The following KCNH8 variants were observed in gnomAD, a reference collection of about 807,000 sequenced individuals.
KCNH8 encodes the protein voltage-gated delayed rectifier potassium channel KCNH8.
KCNH8 carries 70 observed loss-of-function variants against 103.6 expected under a neutral mutation model. The ratio of observed to expected loss-of-function variants is 0.68; its 90% confidence interval spans 0.56 to 0.82. The LOEUF is 0.82. Among genes scored for constraint, KCNH8 ranks in the 40% least tolerant of loss-of-function variants. The probability of loss-of-function intolerance (pLI) is 0.00; values close to 1 mark genes in which losing one functional copy is unlikely to be tolerated. For missense variants in KCNH8, 1,217 were observed against 1,329.9 expected, an observed-to-expected ratio of 0.92 and a Z score of 1.32; for synonymous variants, 498 against 489.4, an observed-to-expected ratio of 1.02 and a Z score of -0.23.
At chr3:19,285,226 G>A (rs943372865) in intron 3 of KCNH8, among the ~76,000 whole-genome samples, 1 of 151,958 alleles carries the variant, frequency 6.6e-6, no homozygotes, top group Non-Finnish European at 1.5e-5. Flanking sequence ...AATATATTAA[G>A]TAATTCAAAA....
intron 11 of KCNH8, among the ~76,000 whole-genome samples, chr3:19,474,333 CTG>C (rs2067926278): frequency 6.6e-6 from 1 of 152,186 alleles, no homozygotes; most frequent in South Asian, 2.1e-4. Flanking sequence ...GCAGCACAGA[CTG>C]TGCTCAGCAG....
chr3:19,502,864 T>C (rs1368627089), intron 11 of KCNH8, among the ~76,000 whole-genome samples: 15 of 151,690 alleles, frequency 9.9e-5, no homozygotes, highest in African/African-American at 3.4e-4. Flanking sequence ...GACATAGGCA[T>C]GGGCAAGGAC....
At chr3:19,455,328 T>G (rs1363951567) in intron 10 of KCNH8, among the ~76,000 whole-genome samples, 1 of 152,136 alleles carries the variant, frequency 6.6e-6, no homozygotes, top group Non-Finnish European at 1.5e-5. Flanking sequence ...CACAGAACAT[T>G]AGTCTGCCTA....
Position 19,430,963 on chromosome 3 carries a change from G to C in KCNH8, c.1178-7201G>C, listed in dbSNP as rs527639921. Reference sequence around the variant, plus strand: ...AGTTTGACTTCCTCTCTTTCTATTTGAATACGCTTCATTTCTTTCTCTTGC... The same window carrying C: ...AGTTTGACTTCCTCTCTTTCTATTTCAATACGCTTCATTTCTTTCTCTTGC... On this transcript the variant is annotated intron_variant, in intron 7 of 15. Coordinates refer to ENST00000328405, the MANE Select transcript of KCNH8 (RefSeq NM_144633.3). 2.6e-5 allele frequency among the ~76,000 whole-genome samples: 4 copies of C among 152,194 alleles called. No homozygotes were observed. In the South Asian group the frequency reaches 8.3e-4, roughly 32 times the overall value.
At chr3:19,344,557 A>AT (rs1468827552) in intron 4 of KCNH8, among the ~76,000 whole-genome samples, 1 of 152,086 alleles carries the variant, frequency 6.6e-6, no homozygotes, top group Non-Finnish European at 1.5e-5. Context: ...ACTACAGGTA[A>AT]TATCTTATTC....
chr3:19,433,888 G>A (rs536492855), intron 7 of KCNH8, among the ~76,000 whole-genome samples: 16 of 152,290 alleles, frequency 1.1e-4, no homozygotes, highest in African/African-American at 2.9e-4. Flanking sequence ...AATGGAAAAG[G>A]GGTGAAGGGT....
At chr3:19,474,575 G>C (rs1335870955) in intron 11 of KCNH8, among the ~76,000 whole-genome samples, 1 of 152,188 alleles carries the variant, frequency 6.6e-6, no homozygotes, top group Non-Finnish European at 1.5e-5. Flanking sequence ...GTAAGGGTCA[G>C]GGGACCCAGG....
intron 1 of KCNH8, among the ~76,000 whole-genome samples, chr3:19,170,645 T>TAC (rs1187141475): frequency 7.2e-6 from 1 of 138,794 alleles, no homozygotes; most frequent in Non-Finnish European, 1.5e-5. Flanking sequence ...CACATATATA[T>TAC]ACACACACAT....
chr3:19,253,928 A>C (rs1211481026), intron 2 of KCNH8, 41 bp downstream of exon 2: 4 of 1,402,870 alleles, frequency 2.9e-6, no homozygotes, highest in African/African-American at 1.4e-5. Flanking sequence ...GAGTAGTGAG[A>C]GGCCGTCTTC....
rs1272076892 is a variant in KCNH8, at chr3:19,512,868, C to CT, written c.2080-101dup. ...TTCAGTTTTAATGAAAAGTAAGTCT[C>CT]TAAGAGATTTGACTTTGTTCTAATG... is the stretch of plus-strand genomic sequence containing the variant. On this transcript the variant is annotated intron_variant, in intron 12 of 15. Coordinates refer to ENST00000328405, the MANE Select transcript of KCNH8 (RefSeq NM_144633.3). The CT allele has an allele frequency of 5.8e-6, 6 of 1,034,294 alleles. No homozygotes were observed. In the African/African-American group the frequency reaches 9.7e-5, roughly 17 times the overall value. 64.1% of individuals were successfully genotyped at this position (1,034,294 alleles called of 1,614,324 possible).
intron 15 of KCNH8, among the ~76,000 whole-genome samples, chr3:19,528,486 A>G (rs2125252605): frequency 6.6e-6 from 1 of 152,216 alleles, no homozygotes. Context: ...TATGAAGGAA[A>G]CACAATAAGG....
intron 7 of KCNH8, among the ~76,000 whole-genome samples, chr3:19,405,928 T>C (rs2066684744): frequency 6.6e-6 from 1 of 152,034 alleles, no homozygotes; most frequent in Non-Finnish European, 1.5e-5. Context: ...ATAAATGATA[T>C]TTGCATTAAA....
At chr3:19,262,262 T>G (rs991635609) in intron 2 of KCNH8, among the ~76,000 whole-genome samples, 3 of 151,982 alleles carry the variant, frequency 2.0e-5, no homozygotes, top group African/African-American at 7.2e-5. Context: ...CCATTATTAG[T>G]CTCCTCTTCA....
chr3:19,173,583 T>C (rs574441336), intron 1 of KCNH8, among the ~76,000 whole-genome samples: 63 of 152,132 alleles, frequency 4.1e-4, no homozygotes, highest in African/African-American at 1.5e-3. Context: ...TTTCATAGAG[T>C]AAGCGATTTA....
At chr3:19,411,739 A>G (rs1182869598) in intron 7 of KCNH8, among the ~76,000 whole-genome samples, 1 of 151,624 alleles carries the variant, frequency 6.6e-6, no homozygotes, top group Non-Finnish European at 1.5e-5. Flanking sequence ...AGCCAAATCA[A>G]GAACACAATC....
Position 19,467,241 on chromosome 3 carries a change from A to C in KCNH8, c.2040+10259A>C, listed in dbSNP as rs559205513. On this transcript the variant is annotated intron_variant, in intron 11 of 15. Coordinates refer to ENST00000328405, the MANE Select transcript of KCNH8 (RefSeq NM_144633.3). ...ATTCCAATTAAAAATATACATGTTA[A>C]AATATCCTGAGGGAAATATAGTGGC... Among the ~76,000 whole-genome samples, 500 of 152,224 alleles carry C rather than the reference A, an allele frequency of 3.3e-3. 1 individual carries two copies. Among genetic ancestry groups the C allele is most frequent in the Non-Finnish European group, 5.2e-3 (356 of 68,010 alleles).
At chr3:19,517,124 G>GTTTA in intron 14 of KCNH8, among the ~76,000 whole-genome samples, 1 of 151,740 alleles carries the variant, frequency 6.6e-6, no homozygotes, top group South Asian at 2.1e-4. Context: ...CTTTTTAAAT[G>GTTTA]TTTATTTTTC....
At chr3:19,487,675 G>A (rs372855853) in intron 11 of KCNH8, among the ~76,000 whole-genome samples, 4 of 152,158 alleles carry the variant, frequency 2.6e-5, no homozygotes, top group South Asian at 2.1e-4. Flanking sequence ...GGCCTGGCTC[G>A]GTTAGAAAAA....
chr3:19,382,742 A>G (rs1346996051), intron 5 of KCNH8, among the ~76,000 whole-genome samples: 1 of 152,076 alleles, frequency 6.6e-6, no homozygotes, highest in Non-Finnish European at 1.5e-5. Flanking sequence ...TCGAAATTCT[A>G]CACTGTTAGC....
Sources: allele counts gnomAD v4.1 joint callset (sites outside exome capture counted in the v4.1 genomes callset), GRCh38; gene constraint gnomAD v4.1.1; transcripts MANE v1.5; gene names NCBI Gene and HGNC (gene_info 2026-07-23, HGNC 2026-07-21).